MIDEAS: variants seen among roughly 807,000 people sequenced by gnomAD.
MIDEAS encodes mitotic deacetylase associated SANT domain protein, also known as mitotic deacetylase-associated SANT domain protein.
Under a neutral mutation model 102.7 loss-of-function variants are expected in MIDEAS, and 26 were observed. The ratio of observed to expected loss-of-function variants is 0.25; its 90% CI spans 0.19 to 0.35. The LOEUF (loss-of-function observed/expected upper bound fraction) is 0.35, where lower values mean the gene tolerates loss of function less well. Among genes scored for constraint, MIDEAS ranks in the 10% least tolerant of loss-of-function variants. The pLI, the probability that MIDEAS is intolerant of heterozygous loss-of-function variation, is 1.00. For synonymous variants in MIDEAS, 585 were observed against 591.0 expected, an observed-to-expected ratio of 0.99 and a Z score of 0.15; for missense variants, 1,231 against 1,435.6, an observed-to-expected ratio of 0.86 and a Z score of 2.30.
intron 4 of MIDEAS, 49 bp downstream of exon 4, chr14:73,729,591 C>T: frequency 6.7e-7 from 1 of 1,482,320 alleles, no homozygotes; most frequent in African/African-American, 1.4e-5. Context: ...CCTCCCTGCC[C>T]AGTGCCCCAG....
At chr14:73,723,817 T>C (rs1268994261) in intron 9 of MIDEAS, 2 of 152,254 alleles carry the variant, frequency 1.3e-5, no homozygotes, top group African/African-American at 4.8e-5. Flanking sequence ...AGCCCTGACC[T>C]GGCAACACAG....
chr14:73,780,016 G>T (rs986838115), intron 1 of MIDEAS, among the ~76,000 whole-genome samples: 2 of 150,424 alleles, frequency 1.3e-5, no homozygotes, highest in Admixed American at 1.3e-4. Context: ...GGGACTACAG[G>T]TGCCTGCCAC....
upstream of MIDEAS, among the ~76,000 whole-genome samples, chr14:73,764,011 T>A (rs1045143722): frequency 6.6e-6 from 1 of 152,176 alleles, no homozygotes; most frequent in Non-Finnish European, 1.5e-5. Flanking sequence ...TTTTACCCTG[T>A]ATCTCCTCCC....
upstream of MIDEAS, among the ~76,000 whole-genome samples, chr14:73,761,875 CT>C (rs754645349): frequency 2.6e-5 from 4 of 152,150 alleles, no homozygotes; most frequent in Non-Finnish European, 4.4e-5. Flanking sequence ...CATCTGTGAC[CT>C]CTCTGCTCCT....
rs2053234620 is a variant in MIDEAS at position 73,738,620 on chromosome 14, C to T, written c.1389G>A (p.Glu463=). ...TCTGGGCCAGGGTCAGCAAATTGGCCTCCTGGGATGCCCGGCGCCTCCGTC... is the reference window on the plus strand; with the variant it reads ...TCTGGGCCAGGGTCAGCAAATTGGCTTCCTGGGATGCCCGGCGCCTCCGTC... ...STRRRRRASQ[E]ANLLTLAQKA... Residue 463 remains glutamate (E), a synonymous_variant, in exon 2 of 13, where the codon GAG becomes GAA. Transcript: ENST00000423556. 1 of 1,611,718 alleles carries T rather than the reference C, an allele frequency of 6.2e-7. No individual in the cohort carries two copies. Among genetic ancestry groups the T allele is most frequent in the Non-Finnish European group, 8.5e-7 (1 of 1,178,786 alleles).
chr14:73,729,673 G>T lies in MIDEAS; in HGVS notation c.2062C>A (p.Pro688Thr), dbSNP rs1300751766. The T allele has an allele frequency of 6.2e-7, 1 of 1,613,506 alleles. No homozygotes were observed. The change falls in exon 4 of 13, where the codon CCT becomes ACT. Residue 688 changes from proline (P) to threonine (T), a missense_variant. This residue lies in a region of MIDEAS where 391 missense variants were observed against 483.0 expected (regional missense o/e 0.81). Transcript: ENST00000423556. ...STIPAPPPITPKSAHRTLLRT... is the reference protein window; with the variant it reads ...STIPAPPPITTKSAHRTLLRT... ...AGCAGCGTGCGATGGGCACTCTTAGGCGTGATGGGAGGAGGGGCAGGGATG... is the reference window on the plus strand; with the variant it reads ...AGCAGCGTGCGATGGGCACTCTTAGTCGTGATGGGAGGAGGGGCAGGGATG...
At chr14:73,727,605 G>C (rs1027108954) in intron 4 of MIDEAS, 81 bp from the exon 5 acceptor site, 10 of 1,336,966 alleles carry the variant, frequency 7.5e-6, no homozygotes, top group Admixed American at 2.3e-5. Context: ...CCCTGTATGT[G>C]CAAGAGTCAC....
At chr14:73,729,545 C>A in intron 4 of MIDEAS, 95 bp downstream of exon 4, 1 of 1,025,982 alleles carries the variant, frequency 9.7e-7, no homozygotes, top group Non-Finnish European at 1.4e-6. Flanking sequence ...CCAGAGTGTT[C>A]CAGCCCAATC....
Position 73,729,867 on chromosome 14 carries a change from A to G in MIDEAS, c.1868T>C (p.Val623Ala). Residue 623 changes from valine to alanine, a missense_variant, in exon 4 of 13, where the codon GTC becomes GCC. Physicochemically the swap from Val to Ala is moderately conservative, Grantham distance 64. Around this residue, in one of 5 missense-constraint regions of MIDEAS, gnomAD observed 758 missense variants for 856.0 expected, o/e 0.89. Coordinates refer to ENST00000423556, the MANE Select transcript of MIDEAS (RefSeq NM_001367710.1). ...CTGGTATGGGGTGATGTTGGAGTAG[A>G]CGGGAGGGGCGATGAAAGTGCCCGC... The part of the protein sequence containing the change: ...TKAGTFIAPP[V>A]YSNITPYQSH... The G allele has an allele frequency of 6.2e-6, 10 of 1,613,796 alleles. No individual in the cohort carries two copies. Among genetic ancestry groups the G allele is most frequent in the Non-Finnish European group, 8.5e-6 (10 of 1,179,888 alleles).
upstream of MIDEAS, among the ~76,000 whole-genome samples, chr14:73,789,357 C>T (rs968665563): frequency 6.6e-6 from 1 of 152,132 alleles, no homozygotes; most frequent in African/African-American, 2.4e-5. Context: ...CTAGGCCTGC[C>T]AACCACCGTT....
intron 1 of MIDEAS, among the ~76,000 whole-genome samples, chr14:73,780,033 C>T (rs1472042389): frequency 6.7e-6 from 1 of 150,220 alleles, no homozygotes; most frequent in African/African-American, 2.4e-5. Context: ...CCACCACGCC[C>T]AGCTAATTTT....
At chr14:73,789,238 A>C (rs2053846854), upstream of MIDEAS, 2 of 152,216 alleles carry the variant, frequency 1.3e-5, no homozygotes, top group African/African-American at 4.8e-5. Context: ...TATAAAAAAA[A>C]AAAATGCGGC....
intron 1 of MIDEAS, among the ~76,000 whole-genome samples, chr14:73,780,199 C>T (rs1320216301): frequency 3.9e-5 from 6 of 152,190 alleles, no homozygotes; most frequent in African/African-American, 1.2e-4. Flanking sequence ...TTTCATATTA[C>T]ACACTGACTT....
intron 1 of MIDEAS, among the ~76,000 whole-genome samples, chr14:73,771,454 G>T (rs2053641705): frequency 6.6e-6 from 1 of 152,142 alleles, no homozygotes; most frequent in South Asian, 2.1e-4. Flanking sequence ...ACATTCCTGG[G>T]CTGGTCACAG....
chr14:73,725,211 G>T lies in MIDEAS; in HGVS notation c.2574+61C>A. ...GAGGGATTGGTCACTGGCAGAGGGAGCCCCAAAGTCACACAGGCAGCTCCT... is the reference window on the plus strand; with the variant it reads ...GAGGGATTGGTCACTGGCAGAGGGATCCCCAAAGTCACACAGGCAGCTCCT... On this transcript the variant is annotated intron_variant, in intron 9 of 12. Transcript: ENST00000423556. This position sits in a 1 kb window ranked among gnomAD's most constrained non-coding sequence, Gnocchi z 4.1. 1 of 1,355,752 alleles carries T rather than the reference G, an allele frequency of 7.4e-7. No individual in the cohort carries two copies. The highest frequency in any genetic ancestry group is 1.1e-6 in the Non-Finnish European group (1 of 944,860). 84.0% of individuals were successfully genotyped at this position (1,355,752 alleles called of 1,614,324 possible).
intron 1 of MIDEAS, among the ~76,000 whole-genome samples, chr14:73,743,768 C>A (rs1034569084): frequency 7.2e-5 from 11 of 152,130 alleles, no homozygotes; most frequent in Admixed American, 1.3e-4. Context: ...AGCTGCAGGG[C>A]CTCTGACAAC....
rs1411550570 is a variant in MIDEAS at position 73,740,039 on chromosome 14, T to A, written c.-31A>T. On this transcript the variant is annotated 5_prime_UTR_variant, in exon 2 of 13. Transcript: ENST00000423556. ...GGCCAACTGAGCCCTGGCGGTGAGA[T>A]CCCCTTCAACAGTCGCCCATCCCCT... 3.4e-6 allele frequency: 5 copies of A among 1,461,004 alleles called. No individual in the cohort carries two copies. Among genetic ancestry groups the A allele is most frequent in the African/African-American group, 2.8e-5 (2 of 70,316 alleles). 90.5% of individuals were successfully genotyped at this position (1,461,004 alleles called of 1,614,324 possible).
intron 4 of MIDEAS, 39 bp from the exon 5 acceptor site, chr14:73,727,563 T>A: frequency 6.4e-7 from 1 of 1,561,950 alleles, no homozygotes; most frequent in Non-Finnish European, 8.7e-7. Flanking sequence ...AGCACCCCCC[T>A]TTCAGCAAAG....
Position 73,726,101 on chromosome 14 carries a change from A to G in MIDEAS, c.2417T>C (p.Leu806Pro). ...GGGCTTCTTCAGCAGCAGCTTATTCAGCGTTTCCTGGAGGGGAAGTGAGGG... is the reference window on the plus strand; with the variant it reads ...GGGCTTCTTCAGCAGCAGCTTATTCGGCGTTTCCTGGAGGGGAAGTGAGGG... ...HESRGDILETLNKLLLKKPLR... is the reference protein window; with the variant it reads ...HESRGDILETPNKLLLKKPLR... The change falls in exon 8 of 13, where the codon CTG becomes CCG. Residue 806 changes from leucine to proline, a missense_variant. Leu to Pro is a moderately conservative substitution (Grantham distance 98, BLOSUM62 -3). Coordinates refer to ENST00000423556, the MANE Select transcript of MIDEAS (RefSeq NM_001367710.1). 6.3e-7 allele frequency: 1 copy of G among 1,591,122 alleles called. No homozygotes were observed. Among genetic ancestry groups the G allele is most frequent in the Non-Finnish European group, 8.5e-7 (1 of 1,169,634 alleles).
Sources: allele counts gnomAD v4.1 joint callset (sites outside exome capture counted in the v4.1 genomes callset), GRCh38; gene constraint gnomAD v4.1.1; regional missense constraint gnomAD v4.1.1; non-coding constraint Gnocchi (gnomAD v3.1); transcripts MANE v1.5; gene names NCBI Gene and HGNC (gene_info 2026-07-23, HGNC 2026-07-21).